The following TOX variants were observed in gnomAD, a reference collection of about 807,000 sequenced individuals.
The protein encoded by TOX is thymocyte selection associated high mobility group box, also known as thymocyte selection-associated high mobility group box protein TOX.
TOX carries 11 observed loss-of-function variants against 53.7 expected under a neutral mutation model. The observed-to-expected ratio is 0.20, with a 90% CI of 0.13 to 0.34. The LOEUF is 0.34. TOX is among the 10% of genes least tolerant of loss of function. The pLI, the probability that TOX is intolerant of heterozygous loss-of-function variation, is 1.00. For synonymous variants in TOX, 225 were observed against 245.3 expected, an observed-to-expected ratio of 0.92 and a Z score of 0.77; for missense variants, 570 against 664.6, an observed-to-expected ratio of 0.86 and a Z score of 1.56.
At chr8:58,886,762 G>A (rs1811475528) in intron 3 of TOX, among the ~76,000 whole-genome samples, 1 of 151,682 alleles carries the variant, frequency 6.6e-6, no homozygotes, top group South Asian at 2.1e-4. Context: ...CTGTAAGTAA[G>A]GACAGCTTTA....
At chr8:58,853,291 T>A (rs1563370539) in intron 3 of TOX, among the ~76,000 whole-genome samples, 2 of 152,168 alleles carry the variant, frequency 1.3e-5, no homozygotes, top group Non-Finnish European at 2.9e-5. Context: ...TTTTCCATTA[T>A]CCAAACTGTA....
At position 58,851,598 on chromosome 8, in the gene TOX, G is replaced by A. The variant is rs745623730; in HGVS notation, c.619C>T (p.Pro207Ser). 2 of 1,613,586 alleles carry A rather than the reference G, an allele frequency of 1.2e-6. No homozygotes were observed. The highest frequency in any genetic ancestry group is 4.5e-5 in the East Asian group (2 of 44,858). Reference sequence around the variant, plus strand: ...GGAGTTGCAGACTTGCTTCCAGGTGGAGATGGTGAGTTGTGGGGAACATTG... The same window carrying A: ...GGAGTTGCAGACTTGCTTCCAGGTGAAGATGGTGAGTTGTGGGGAACATTG... ...GSNVPHNSPSPPGSKSATPSP... is the reference protein window; with the variant it reads ...GSNVPHNSPSSPGSKSATPSP... The change falls in exon 4 of 9, where the codon CCA (proline) becomes TCA (serine). Residue 207 changes from proline (P) to serine (S), a missense_variant. Pro to Ser is a moderately conservative substitution (Grantham distance 74, BLOSUM62 -1). Transcript: ENST00000361421. This position sits in a 1 kb window ranked among gnomAD's most constrained non-coding sequence, Gnocchi z 4.4.
chr8:59,050,530 T>G (rs938227701), intron 1 of TOX, among the ~76,000 whole-genome samples: 1 of 152,110 alleles, frequency 6.6e-6, no homozygotes, highest in Non-Finnish European at 1.5e-5. Context: ...TTATTGAAAT[T>G]TTTTTCTAAT....
chr8:58,873,987 G>A (rs1428502031), intron 3 of TOX, among the ~76,000 whole-genome samples: 1 of 8,764 alleles, frequency 1.1e-4, no homozygotes, highest in African/African-American at 1.1e-3. Flanking sequence ...TTTTTTTTTT[G>A]GGAAACCATG....
chr8:58,820,241 TCTTGA>T (rs1195987014), intron 6 of TOX, among the ~76,000 whole-genome samples: 4 of 152,004 alleles, frequency 2.6e-5, no homozygotes, highest in South Asian at 2.1e-4. Flanking sequence ...CAGAGAACTT[TCTTGA>T]CTTAATTCAA....
chr8:58,959,964 C>T lies in TOX; in HGVS notation c.147G>A (p.Gln49=), dbSNP rs1211203548. The T allele has an allele frequency of 6.2e-7, 1 of 1,614,174 alleles. No individual in the cohort carries two copies. The highest frequency in any genetic ancestry group is 1.3e-5 in the African/African-American group (1 of 75,052). The stretch of plus-strand genomic sequence containing the variant: ...CCACCTGGCTGGCTGGCACATAGTC[C>T]TGGCTCGGCTCTGTCATGCTCATAT... The part of the protein sequence containing the change: ...NMYMSMTEPS[Q]DYVPASQSYP... The change falls in exon 2 of 9, where the codon CAG becomes CAA. Residue 49 remains glutamine, a synonymous_variant. Coordinates refer to ENST00000361421, the MANE Select transcript of TOX (RefSeq NM_014729.3).
Position 59,117,698 on chromosome 8 carries a change from C to A in TOX, c.102+1188G>T, listed in dbSNP as rs1485546104. Among the ~76,000 whole-genome samples the A allele has an allele frequency of 6.6e-6, 1 of 152,212 alleles. No individual in the cohort carries two copies. The highest frequency in any genetic ancestry group is 1.5e-5 in the Non-Finnish European group (1 of 68,034). On this transcript the variant is annotated intron_variant, in intron 1 of 8. Coordinates refer to ENST00000361421, the MANE Select transcript of TOX (RefSeq NM_014729.3). The surrounding 1 kb of genome is among the most constrained non-coding windows in gnomAD (Gnocchi z 4.6). Reference sequence around the variant, plus strand: ...TCGCCACCAGGCAAATGTTGGGAGTCCCAACGATTTTTCCCGTGGAATGCA... The same window carrying A: ...TCGCCACCAGGCAAATGTTGGGAGTACCAACGATTTTTCCCGTGGAATGCA...
intron 8 of TOX, 130 bp from the exon 9 acceptor site, chr8:58,807,913 A>T: frequency 2.3e-6 from 3 of 1,321,934 alleles, no homozygotes; most frequent in Non-Finnish European, 3.2e-6. Flanking sequence ...CAATTAGTTA[A>T]CCTACATCTG....
intron 4 of TOX, among the ~76,000 whole-genome samples, chr8:58,843,134 T>C (rs899133926): frequency 5.3e-5 from 8 of 152,238 alleles, no homozygotes; most frequent in Non-Finnish European, 1.2e-4. Flanking sequence ...TCTTTGTCTT[T>C]GTTGTGCCTA....
rs114210607 is a variant in TOX, at chr8:58,958,749, T to C, written c.168+1194A>G. Among the ~76,000 whole-genome samples, 720 of 152,314 alleles carry C rather than the reference T, an allele frequency of 4.7e-3. 3 individuals are homozygous for C. The highest frequency in any genetic ancestry group is 0.017 in the African/African-American group (694 of 41,566). ...ATGTAGTCAGGATCTTTGAACTTCA[T>C]GATGACCTTTTCAGCTGAACAATAC... On this transcript the variant is annotated intron_variant, in intron 2 of 8. Transcript: ENST00000361421.
At chr8:58,884,057 C>T (rs7837243) in intron 3 of TOX, among the ~76,000 whole-genome samples, 30,816 of 151,984 alleles carry the variant, frequency 0.2, 3,273 homozygotes, top group East Asian at 0.32. Flanking sequence ...TTTCGTCAAA[C>T]CACCAGGGTC....
chr8:59,023,950 C>T (rs971476176), intron 1 of TOX, among the ~76,000 whole-genome samples: 12 of 152,034 alleles, frequency 7.9e-5, no homozygotes, highest in African/African-American at 2.7e-4. Flanking sequence ...CCAAGTTGGG[C>T]ACATGGAAGA....
chr8:58,832,817 C>T (rs1336563930), intron 5 of TOX, among the ~76,000 whole-genome samples: 6 of 152,098 alleles, frequency 3.9e-5, no homozygotes, highest in Admixed American at 2.6e-4. Flanking sequence ...TTTCACGAGG[C>T]GTCAAACATA....
intron 1 of TOX, among the ~76,000 whole-genome samples, chr8:59,042,787 A>T (rs548484068): frequency 6.6e-6 from 1 of 152,346 alleles, no homozygotes; most frequent in Non-Finnish European, 1.5e-5. Flanking sequence ...TTTTTAAGGC[A>T]CTAAAGTTAT....
At chr8:59,103,789 C>G (rs757578594) in intron 1 of TOX, among the ~76,000 whole-genome samples, 6 of 152,146 alleles carry the variant, frequency 3.9e-5, no homozygotes, top group Non-Finnish European at 8.8e-5. Flanking sequence ...TGTGTATTTA[C>G]CACTAAGCAA....
At chr8:58,925,556 C>T (rs183179873) in intron 3 of TOX, among the ~76,000 whole-genome samples, 5 of 152,280 alleles carry the variant, frequency 3.3e-5, no homozygotes, top group East Asian at 1.9e-4. Flanking sequence ...AGAAAGTATA[C>T]GATAACAACC....
At chr8:58,900,885 A>T (rs1245337676) in intron 3 of TOX, among the ~76,000 whole-genome samples, 1 of 152,088 alleles carries the variant, frequency 6.6e-6, no homozygotes, top group Admixed American at 6.6e-5. Flanking sequence ...GTTGAAATGA[A>T]TTTTTACAAA....
intron 1 of TOX, among the ~76,000 whole-genome samples, chr8:59,111,288 T>C (rs892380213): frequency 3.3e-5 from 5 of 152,146 alleles, no homozygotes; most frequent in African/African-American, 1.2e-4. Flanking sequence ...TGGTTTTCCT[T>C]AAAAAGACCT....
At chr8:58,940,001 G>A (rs1036624969) in intron 2 of TOX, among the ~76,000 whole-genome samples, 3 of 152,138 alleles carry the variant, frequency 2.0e-5, no homozygotes, top group Non-Finnish European at 2.9e-5. Flanking sequence ...GTTTTGAAAG[G>A]CTACCTGCTC....
Sources: allele counts gnomAD v4.1 joint callset (sites outside exome capture counted in the v4.1 genomes callset), GRCh38; gene constraint gnomAD v4.1.1; non-coding constraint Gnocchi (gnomAD v3.1); transcripts MANE v1.5; gene names NCBI Gene and HGNC (gene_info 2026-07-23, HGNC 2026-07-21).